Variants in TOP2A observed in about 807,000 individuals in gnomAD.
The protein encoded by TOP2A is DNA topoisomerase II alpha.
In TOP2A, 68 loss-of-function variants were observed where a neutral mutation model predicts 187.2. The observed-to-expected ratio is 0.36, with a 90% CI of 0.30 to 0.44. The LOEUF (loss-of-function observed/expected upper bound fraction) is 0.44, where lower values mean the gene tolerates loss of function less well. TOP2A is among the 20% of genes least tolerant of loss of function. The probability of loss-of-function intolerance (pLI) is 1.00; values close to 1 mark genes in which losing one functional copy is unlikely to be tolerated. For synonymous variants in TOP2A, 542 were observed against 593.2 expected (o/e 0.91, Z 1.25); for missense variants, 1,196 against 1,808.7 (o/e 0.66, Z 6.14).
chr17:40,390,323 G>A (rs1288276935), intron 33 of TOP2A, among the ~76,000 whole-genome samples, 159 bp from the exon 34 acceptor site: 4 of 150,776 alleles, frequency 2.7e-5, no homozygotes, highest in East Asian at 2.0e-4. Flanking sequence ...TGAGTAGCTG[G>A]GATTACAGGC....
Position 40,398,613 on chromosome 17 carries a change from T to C in TOP2A, c.3482A>G (p.Lys1161Arg). ...TTCTTTCCACAAATCTGATGGACTC[T>C]TTCTTTTTAATGTGTCCAGCTCTTG... ...KEQELDTLKR[K>R]SPSDLWKEDL... Residue 1161 changes from lysine to arginine, a missense_variant, in exon 27 of 35, where the codon AAG becomes AGG. Transcript: ENST00000423485. 1 of 1,594,858 alleles carries C rather than the reference T, an allele frequency of 6.3e-7. No homozygotes were observed. Among genetic ancestry groups the C allele is most frequent in the South Asian group, 1.1e-5 (1 of 89,120 alleles).
intron 21 of TOP2A, 89 bp from the exon 22 acceptor site, chr17:40,400,752 G>A (rs2143648638): frequency 5.2e-6 from 8 of 1,534,910 alleles, no homozygotes; most frequent in Non-Finnish European, 7.1e-6. Flanking sequence ...TCTAAAGTAT[G>A]AAATTAAATT....
intron 10 of TOP2A, chr17:40,408,832 C>A (rs190893078): frequency 7.3e-6 from 5 of 682,404 alleles, no homozygotes; most frequent in African/African-American, 5.3e-5. Flanking sequence ...TTGGTTCATT[C>A]GTTCAATAAA....
At position 40,391,498 on chromosome 17, in the gene TOP2A, A is replaced by T. The variant is rs1426261287; in HGVS notation, c.4267+8T>A. The T allele has an allele frequency of 2.5e-6, 4 of 1,606,364 alleles. No homozygotes were observed. Among genetic ancestry groups the T allele is most frequent in the Non-Finnish European group, 3.4e-6 (4 of 1,177,434 alleles). ...CAACATTAACCCATCTCAAAGATTTAGGCTTACTTTTTGCTGCTGTCTTCT... is the reference window on the plus strand; with the variant it reads ...CAACATTAACCCATCTCAAAGATTTTGGCTTACTTTTTGCTGCTGTCTTCT... On this transcript the variant is annotated splice_region_variant and intron_variant, in intron 33 of 34. Coordinates refer to ENST00000423485, the MANE Select transcript of TOP2A (RefSeq NM_001067.4).
intron 32 of TOP2A, 40 bp downstream of exon 32, chr17:40,392,028 A>G: frequency 6.3e-7 from 1 of 1,597,934 alleles, no homozygotes; most frequent in South Asian, 1.1e-5. Flanking sequence ...TGAGTGTCCC[A>G]GTAAGGCAGA....
intron 27 of TOP2A, among the ~76,000 whole-genome samples, chr17:40,396,922 C>T (rs77107066): frequency 0.11 from 16,192 of 148,260 alleles, 1,158 homozygotes; most frequent in South Asian, 0.18. Context: ...TTAAGAGACA[C>T]GCAGGCTGAG....
intron 21 of TOP2A, 35 bp downstream of exon 21, chr17:40,400,815 A>G (rs2143648800): frequency 6.3e-7 from 1 of 1,599,566 alleles, no homozygotes; most frequent in Admixed American, 1.7e-5. Flanking sequence ...AACCCAAGGA[A>G]AAGTTAAGGC....
chr17:40,413,059 C>T, intron 6 of TOP2A, 88 bp from the exon 7 acceptor site: 1 of 1,292,240 alleles, frequency 7.7e-7, no homozygotes, highest in Non-Finnish European at 1.1e-6. Flanking sequence ...GTCCTAATAA[C>T]CTAATATATA....
intron 34 of TOP2A, 112 bp from the exon 35 acceptor site, chr17:40,389,759 G>A: frequency 7.2e-7 from 1 of 1,397,360 alleles, no homozygotes; most frequent in Non-Finnish European, 9.6e-7. Flanking sequence ...TTTCTACCAA[G>A]TAATAAGAAG....
At chr17:40,413,872 C>T (rs552211330) in intron 4 of TOP2A, among the ~76,000 whole-genome samples, 1 of 152,220 alleles carries the variant, frequency 6.6e-6, no homozygotes, top group South Asian at 2.1e-4. Flanking sequence ...GTAGCGCATG[C>T]CTGTGATTCC....
chr17:40,417,555 C>T (rs2035407901), intron 1 of TOP2A: 2 of 1,431,888 alleles, frequency 1.4e-6, no homozygotes, highest in Non-Finnish European at 9.1e-7. Context: ...AGGGCAACAA[C>T]GCACGACACC....
chr17:40,411,088 T>TA lies in TOP2A; in HGVS notation c.1203+20dup, dbSNP rs766395484. The TA allele has an allele frequency of 9.5e-6, 15 of 1,574,396 alleles. No individual in the cohort carries two copies. The highest frequency in any genetic ancestry group is 1.7e-4 in the Middle Eastern group (1 of 5,756). On this transcript the variant is annotated intron_variant, in intron 10 of 34. Transcript: ENST00000423485. The surrounding 1 kb of genome is among the most constrained non-coding windows in gnomAD (Gnocchi z 4.4). ...AAATAAAGTCAGGTGTTTCTATTTT[T>TA]ATTTTCCTCTAAGTACTCACAGCTT...
In TOP2A at chr17:40,411,909, T is replaced by C. The variant is rs561028558; in HGVS notation, c.790-91A>G. 2,078 of 1,009,800 alleles carry C rather than the reference T, an allele frequency of 2.1e-3. 4 individuals carry two copies. The highest frequency in any genetic ancestry group is 2.6e-3 in the Non-Finnish European group (1,836 of 706,200). The allele number at this position is 1,009,800 out of a possible 1,614,324, so 62.6% of individuals were successfully genotyped here. A position where few individuals can be genotyped will look rare whatever the true frequency, so the allele number is the denominator to read the frequency against. On this transcript the variant is annotated intron_variant, in intron 7 of 34. Coordinates refer to ENST00000423485, the MANE Select transcript of TOP2A (RefSeq NM_001067.4). The surrounding 1 kb of genome is among the most constrained non-coding windows in gnomAD (Gnocchi z 4.4). Reference sequence around the variant, plus strand: ...TGAGGACTTTCCAAAACCAATGCAATGATGTTCACTGATAGGCATAAGGGA... The same window carrying C: ...TGAGGACTTTCCAAAACCAATGCAACGATGTTCACTGATAGGCATAAGGGA...
Position 40,389,226 on chromosome 17 carries a change from G to C in TOP2A, c.*293C>G, listed in dbSNP as rs2034993328. ...ACACTGCTTTACGCTGAAGTGATCAGATAGCTATTTCTACAGTTCAGAAGA... is the reference window on the plus strand; with the variant it reads ...ACACTGCTTTACGCTGAAGTGATCACATAGCTATTTCTACAGTTCAGAAGA... On this transcript the variant is annotated 3_prime_UTR_variant, in exon 35 of 35. Coordinates refer to ENST00000423485, the MANE Select transcript of TOP2A (RefSeq NM_001067.4). 23 of 291,486 alleles carry C rather than the reference G, an allele frequency of 7.9e-5. No homozygotes were observed. The East Asian group carries it at 1.1e-3, about 15-fold the overall frequency. The allele number at this position is 291,486 out of a possible 1,614,324, so 18.1% of individuals were successfully genotyped here. A position where few individuals can be genotyped will look rare whatever the true frequency, so the allele number is the denominator to read the frequency against.
rs1396504001 is a variant in TOP2A at position 40,411,553 on chromosome 17, C to A, written c.963+92G>T. The A allele has an allele frequency of 2.6e-6, 4 of 1,543,382 alleles. No homozygotes were observed. The Admixed American group carries it at 6.8e-5, about 26-fold the overall frequency. The stretch of plus-strand genomic sequence containing the variant: ...TTTAACCTCCTTTATACTAAGCTAG[C>A]CCAATATTCAAGTCCACTTTATATA... On this transcript the variant is annotated intron_variant, in intron 8 of 34. Transcript: ENST00000423485. This position sits in a 1 kb window ranked among gnomAD's most constrained non-coding sequence, Gnocchi z 4.4.
chr17:40,407,887 C>A, intron 12 of TOP2A, 80 bp downstream of exon 12: 1 of 1,409,014 alleles, frequency 7.1e-7, no homozygotes, highest in Non-Finnish European at 9.7e-7. Context: ...TTTAAAATGC[C>A]TAATGAGGGA....
In TOP2A at chr17:40,411,222, C is replaced by G; in HGVS notation, c.1090G>C (p.Val364Leu). 14 of 1,613,156 alleles carry G rather than the reference C, an allele frequency of 8.7e-6. No homozygotes were observed. The highest frequency in any genetic ancestry group is 1.2e-5 in the Non-Finnish European group (14 of 1,179,680). ...GTTGGGTTTTCAATTAAGGCATTTA[C>G]AAAAATCCACATGTGATTTTTCACC... ...HQVKNHMWIF[V>L]NALIENPTFD... Residue 364 changes from valine (V) to leucine (L), a missense_variant, in exon 10 of 35, where the codon GTA becomes CTA. Coordinates refer to ENST00000423485, the MANE Select transcript of TOP2A (RefSeq NM_001067.4). The surrounding 1 kb of genome is among the most constrained non-coding windows in gnomAD (Gnocchi z 4.4).
intron 4 of TOP2A, among the ~76,000 whole-genome samples, chr17:40,415,608 T>G (rs1238544267): frequency 6.6e-6 from 1 of 152,204 alleles, no homozygotes; most frequent in Non-Finnish European, 1.5e-5. Context: ...TTACTGAAGG[T>G]GCTTGCTCAA....
chr17:40,415,532 G>A (rs1353893118), intron 4 of TOP2A, among the ~76,000 whole-genome samples: 1 of 152,100 alleles, frequency 6.6e-6, no homozygotes, highest in African/African-American at 2.4e-5. Context: ...ACCACCTACT[G>A]GTTTACTGTT....
Sources: allele counts gnomAD v4.1 joint callset (sites outside exome capture counted in the v4.1 genomes callset), GRCh38; gene constraint gnomAD v4.1.1; non-coding constraint Gnocchi (gnomAD v3.1); transcripts MANE v1.5; gene names NCBI Gene and HGNC (gene_info 2026-07-23, HGNC 2026-07-21).